HKDC1: variants seen among roughly 807,000 people sequenced by gnomAD.
HKDC1 encodes the protein hexokinase HKDC1.
In HKDC1, 66 loss-of-function variants were observed where a neutral mutation model predicts 96.6. That is an observed-to-expected ratio of 0.68 (90% CI 0.56 to 0.84). The LOEUF is 0.84. HKDC1 is among the 40% of genes least tolerant of loss of function. The pLI, the probability that HKDC1 is intolerant of heterozygous loss-of-function variation, is 0.00. For synonymous variants in HKDC1, 466 were observed against 473.1 expected (o/e 0.98, Z 0.20); for missense variants, 1,211 against 1,208.1 (o/e 1.00, Z -0.04).
intron 4 of HKDC1, among the ~76,000 whole-genome samples, chr10:69,235,052 A>T (rs1843339060): frequency 6.6e-6 from 1 of 150,536 alleles, no homozygotes; most frequent in South Asian, 2.1e-4. Context: ...TGCTTGAGCC[A>T]GGGAGTCCAG....
intron 4 of HKDC1, among the ~76,000 whole-genome samples, chr10:69,236,094 G>A (rs895784395): frequency 2.0e-5 from 3 of 150,978 alleles, no homozygotes; most frequent in Non-Finnish European, 4.4e-5. Context: ...CATTTAAAAT[G>A]GCAGCAGGTG....
intron 5 of HKDC1, among the ~76,000 whole-genome samples, chr10:69,239,939 T>C (rs551696431): frequency 6.6e-6 from 1 of 152,200 alleles, no homozygotes; most frequent in South Asian, 2.1e-4. Flanking sequence ...TTTAAAATGT[T>C]CTTCCAAACT....
intron 5 of HKDC1, among the ~76,000 whole-genome samples, chr10:69,240,234 C>T (rs1346067100): frequency 1.3e-5 from 2 of 152,052 alleles, no homozygotes; most frequent in African/African-American, 4.8e-5. Flanking sequence ...TCACGTGAGC[C>T]CAGGAGTTTG....
intron 4 of HKDC1, 105 bp downstream of exon 4, chr10:69,233,238 T>C (rs1589405083): frequency 6.8e-7 from 1 of 1,465,116 alleles, no homozygotes; most frequent in East Asian, 2.3e-5. Flanking sequence ...AGCTTTCTTG[T>C]TTGTCTTTTT....
intron 10 of HKDC1, 104 bp from the exon 11 acceptor site, chr10:69,250,186 G>A (rs1843615525): frequency 7.8e-7 from 1 of 1,286,364 alleles, no homozygotes; most frequent in Admixed American, 2.0e-5. Flanking sequence ...TGAGGCCCAG[G>A]AGTGCAGGCC....
chr10:69,263,091 G>A (rs1012611526), intron 16 of HKDC1, among the ~76,000 whole-genome samples: 1 of 152,002 alleles, frequency 6.6e-6, no homozygotes, highest in Non-Finnish European at 1.5e-5. Context: ...CTGAGACAGG[G>A]TCTCACTCTG....
rs1304776796 is a variant in HKDC1 at position 69,248,290 on chromosome 10, C to G, written c.1266-134C>G. 3.4e-6 allele frequency: 3 copies of G among 888,888 alleles called. No homozygotes were observed. The African/African-American group carries it at 5.0e-5, about 15-fold the overall frequency. 55.1% of individuals were successfully genotyped at this position (888,888 alleles called of 1,614,324 possible). On this transcript the variant is annotated intron_variant, in intron 9 of 17. Transcript: ENST00000354624. ...CTCCCTCCTCTCATCCCCTCCCCTC[C>G]CTACCATCAGCAAATAAAGGGCTGA... is the stretch of plus-strand genomic sequence containing the variant.
At chr10:69,230,493 A>G (rs1843237798) in intron 2 of HKDC1, among the ~76,000 whole-genome samples, 1 of 152,278 alleles carries the variant, frequency 6.6e-6, no homozygotes, top group East Asian at 1.9e-4. Context: ...GAGGGAGTGA[A>G]GGCACCAGCA....
intron 11 of HKDC1, 24 bp downstream of exon 11, chr10:69,250,459 G>A: frequency 6.2e-7 from 1 of 1,611,908 alleles, no homozygotes; most frequent in Non-Finnish European, 8.5e-7. Context: ...AAGGCCTTTG[G>A]GCTCCGAGGT....
chr10:69,256,031 G>A (rs898407680), intron 12 of HKDC1, among the ~76,000 whole-genome samples: 1 of 152,056 alleles, frequency 6.6e-6, no homozygotes. Flanking sequence ...GAGAGGAAAA[G>A]TGATGCATAA....
intron 4 of HKDC1, among the ~76,000 whole-genome samples, chr10:69,237,709 A>G (rs1412241335): frequency 1.3e-5 from 2 of 152,208 alleles, no homozygotes; most frequent in Admixed American, 1.3e-4. Flanking sequence ...CCCTGGAGAC[A>G]GGGATGTTGT....
Position 69,243,187 on chromosome 10 carries a change from G to A in HKDC1, c.697G>A (p.Gly233Ser), listed in dbSNP as rs1843479887. 6.2e-7 allele frequency: 1 copy of A among 1,614,078 alleles called. No homozygotes were observed. Among genetic ancestry groups the A allele is most frequent in the Non-Finnish European group, 8.5e-7 (1 of 1,180,016 alleles). Residue 233 changes from glycine (G) to serine (S), a missense_variant, in exon 7 of 18, where the codon GGC becomes AGC. Physicochemically the swap from Gly to Ser is moderately conservative, Grantham distance 56. Transcript: ENST00000354624. Reference sequence around the variant, plus strand: ...CTCTCTGATCCCTGGTTCAGGAACTGGCACCAATGCGTGTTACATGGAGGA... The same window carrying A: ...CTCTCTGATCCCTGGTTCAGGAACTAGCACCAATGCGTGTTACATGGAGGA... ...YCEVGVIIGT[G>S]TNACYMEDMS...
chr10:69,238,955 G>A, intron 4 of HKDC1, 87 bp from the exon 5 acceptor site: 1 of 833,004 alleles, frequency 1.2e-6, no homozygotes, highest in Non-Finnish European at 2.0e-6. Context: ...AGGCCATGGG[G>A]GATGCACGTA....
At chr10:69,226,493 A>T (rs182974324) in intron 1 of HKDC1, among the ~76,000 whole-genome samples, 25 of 152,140 alleles carry the variant, frequency 1.6e-4, no homozygotes, top group East Asian at 3.9e-4. Flanking sequence ...CTAAAAATAA[A>T]AATAAAAAAA....
intron 2 of HKDC1, among the ~76,000 whole-genome samples, chr10:69,228,064 A>G (rs965169606): frequency 1.3e-5 from 2 of 152,138 alleles, no homozygotes; most frequent in African/African-American, 4.8e-5. Flanking sequence ...ATTCTCTGAC[A>G]GTTCTGGTGG....
intron 7 of HKDC1, 134 bp downstream of exon 7, chr10:69,243,499 C>CTTT (rs5785905): frequency 1.5e-3 from 792 of 519,530 alleles, no homozygotes; most frequent in South Asian, 2.3e-3. Flanking sequence ...TTTCTTTTTC[C>CTTT]TTTTTTTTTT....
At chr10:69,252,768 T>TCA (rs1843664512) in intron 12 of HKDC1, among the ~76,000 whole-genome samples, 1 of 151,426 alleles carries the variant, frequency 6.6e-6, no homozygotes, top group Admixed American at 6.6e-5. Flanking sequence ...GGAGCTATGA[T>TCA]CACACCACTG....
In HKDC1 at chr10:69,262,155, A is replaced by G. The variant is rs1424235378; in HGVS notation, c.2372+861A>G. On this transcript the variant is annotated intron_variant, in intron 16 of 17. Coordinates refer to ENST00000354624, the MANE Select transcript of HKDC1 (RefSeq NM_025130.4). The stretch of plus-strand genomic sequence containing the variant: ...TGCAGTTATTAGCTGGAATACTTCT[A>G]GAAAGAGGAACTTTCCCCTATCAAC... 4 of 367,756 alleles carry G rather than the reference A, an allele frequency of 1.1e-5. No homozygotes were observed. In the East Asian group the frequency reaches 2.5e-4, roughly 23 times the overall value. The allele number at this position is 367,756 out of a possible 1,614,324, so 22.8% of individuals were successfully genotyped here.
intron 12 of HKDC1, among the ~76,000 whole-genome samples, chr10:69,255,737 T>G (rs1181370580): frequency 6.6e-6 from 1 of 152,038 alleles, no homozygotes; most frequent in Admixed American, 6.6e-5. Flanking sequence ...GCCAACATGA[T>G]GAAACCTCGT....
Sources: gnomAD v4.1 joint callset for allele counts (sites outside exome capture counted in the v4.1 genomes callset) on GRCh38, gnomAD v4.1.1 for gene constraint, MANE v1.5 for transcripts, NCBI Gene and HGNC (gene_info 2026-07-23, HGNC 2026-07-21) for gene names.